SPAG9: variants seen among roughly 807,000 people sequenced by gnomAD.
SPAG9 encodes C-Jun-amino-terminal kinase-interacting protein 4.
A neutral mutation model predicts 166.5 loss-of-function variants in SPAG9; 35 were observed. The ratio of observed to expected loss-of-function variants is 0.21; its 90% CI spans 0.16 to 0.28. The LOEUF is 0.28. SPAG9 is among the 10% of genes least tolerant of loss of function. SPAG9 has a pLI of 1.00. For missense variants in SPAG9, 1,235 were observed against 1,603.3 expected (o/e 0.77, Z 3.92); for synonymous variants, 534 against 565.5 (o/e 0.94, Z 0.79).
intron 1 of SPAG9, among the ~76,000 whole-genome samples, chr17:51,081,378 G>A (rs1031999807): frequency 3.9e-5 from 6 of 152,050 alleles, no homozygotes; most frequent in Non-Finnish European, 8.8e-5. Context: ...TTGAACCCAG[G>A]AGACGGAGGT....
chr17:51,014,177 T>C (rs1423705080), intron 9 of SPAG9, 55 bp downstream of exon 9: 23 of 1,513,666 alleles, frequency 1.5e-5, no homozygotes, highest in Non-Finnish European at 2.0e-5. Flanking sequence ...AATTAAATCA[T>C]TTAAAAAATC....
chr17:51,074,962 T>G (rs1299488430), intron 2 of SPAG9, among the ~76,000 whole-genome samples: 1 of 151,858 alleles, frequency 6.6e-6, no homozygotes, highest in Non-Finnish European at 1.5e-5. Context: ...TTTGGGAGGC[T>G]GAGGCAGGTG....
At chr17:51,048,085 A>G (rs1225906626) in intron 3 of SPAG9, among the ~76,000 whole-genome samples, 3 of 152,106 alleles carry the variant, frequency 2.0e-5, no homozygotes, top group African/African-American at 4.8e-5. Context: ...ATCATCTATT[A>G]TAACAGCAGC....
At chr17:50,978,006 C>T (rs183536572) in intron 26 of SPAG9, among the ~76,000 whole-genome samples, 14 of 152,238 alleles carry the variant, frequency 9.2e-5, no homozygotes, top group Non-Finnish European at 2.1e-4. Flanking sequence ...TATACTTTTC[C>T]CCTCATTTAT....
intron 22 of SPAG9, among the ~76,000 whole-genome samples, 185 bp from the exon 23 acceptor site, chr17:50,985,963 A>C (rs1975018844): frequency 6.6e-6 from 1 of 152,240 alleles, no homozygotes; most frequent in African/African-American, 2.4e-5. Context: ...CCTAAGGTAA[A>C]GAAATAGGCT....
intron 9 of SPAG9, among the ~76,000 whole-genome samples, chr17:51,013,154 C>T (rs950417776): frequency 6.6e-6 from 1 of 152,188 alleles, no homozygotes; most frequent in Non-Finnish European, 1.5e-5. Context: ...ACTCCAAAGT[C>T]ATAACAATTA....
intron 2 of SPAG9, among the ~76,000 whole-genome samples, chr17:51,061,927 C>G (rs1236396070): frequency 6.6e-6 from 1 of 152,130 alleles, no homozygotes; most frequent in African/African-American, 2.4e-5. Flanking sequence ...ATTTGATAAA[C>G]TATCAATCCA....
rs2044964718 is a variant in SPAG9 at position 51,001,828 on chromosome 17, G to A, written c.1494C>T (p.Ala498=). ...CTACTCTAGTAAACCGTTTCCTCTG[G>A]GCTGTGGGAATATCACTCTATAATG... ...KDDDDSDIPT[A]QRKRFTRVEM... is the part of the protein sequence containing the mutation. The change falls in exon 13 of 30, where the codon GCC becomes GCT. Residue 498 remains alanine (A), a synonymous_variant. Coordinates refer to ENST00000262013, the MANE Select transcript of SPAG9 (RefSeq NM_001130528.3). The A allele has an allele frequency of 3.1e-6, 5 of 1,612,838 alleles. No individual in the cohort carries two copies. The highest frequency in any genetic ancestry group is 4.2e-6 in the Non-Finnish European group (5 of 1,179,488).
chr17:51,095,981 A>ATATAGTGATATATG lies in SPAG9; in HGVS notation c.304-16278_304-16277insCATATATCACTATA, dbSNP rs1568083907. On this transcript the variant is annotated intron_variant, in intron 1 of 29. Transcript: ENST00000262013. ...GTGATATATATATATAGTGATATAT[A>ATATAGTGATATATG]TATATATAGTGATATATATATAGTG... is the stretch of plus-strand genomic sequence containing the variant. Among the ~76,000 whole-genome samples, 28 of 126,162 alleles carry ATATAGTGATATATG rather than the reference A, an allele frequency of 2.2e-4. 1 individual carries two copies. The highest frequency in any genetic ancestry group is 7.8e-4 in the African/African-American group (26 of 33,504). The allele number at this position is 126,162 out of a possible 152,430, so 82.8% of individuals were successfully genotyped here. A position where few individuals can be genotyped will look rare whatever the true frequency, so the allele number is the denominator to read the frequency against.
At chr17:51,075,068 T>G (rs1400577490) in intron 2 of SPAG9, among the ~76,000 whole-genome samples, 1 of 150,818 alleles carries the variant, frequency 6.6e-6, no homozygotes, top group Non-Finnish European at 1.5e-5. Context: ...TAATGACGGG[T>G]GCCTGTAATC....
At chr17:51,047,618 A>C (rs2047063306) in intron 3 of SPAG9, 149 bp from the exon 4 acceptor site, 1 of 396,466 alleles carries the variant, frequency 2.5e-6, no homozygotes. Context: ...GAATGAAAAA[A>C]ATTTTAAGGG....
chr17:51,041,429 T>A (rs2046835091), intron 5 of SPAG9, 72 bp downstream of exon 5: 1 of 1,417,694 alleles, frequency 7.1e-7, no homozygotes, highest in Admixed American at 2.1e-5. Flanking sequence ...ACTGTGGTCG[T>A]CTAGCACTTC....
At chr17:50,982,816 C>A in intron 24 of SPAG9, 144 bp from the exon 25 acceptor site, 1 of 779,220 alleles carries the variant, frequency 1.3e-6, no homozygotes, top group South Asian at 2.3e-5. Context: ...TTATTTGCAG[C>A]CTGGGTTCTT....
Position 50,974,856 on chromosome 17 carries a change from T to G in SPAG9, c.3615A>C (p.Thr1205=), listed in dbSNP as rs563885639. ...GTGCCATTGAACAATAGGGTATAAA[T>G]GTCCCTGGAGTCACTTTATCACTGT... is the stretch of plus-strand genomic sequence containing the variant. The part of the protein sequence containing the change: ...DENSDKVTPG[T]FIPYCSMAHA... Residue 1205 remains threonine (T), a synonymous_variant, in exon 28 of 30, where the codon ACA becomes ACC. Transcript: ENST00000262013. The G allele has an allele frequency of 1.2e-6, 2 of 1,612,426 alleles. No individual in the cohort carries two copies. Among genetic ancestry groups the G allele is most frequent in the Middle Eastern group, 3.3e-4 (2 of 6,062 alleles).
At chr17:51,081,278 C>T (rs2048155245) in intron 1 of SPAG9, among the ~76,000 whole-genome samples, 1 of 152,108 alleles carries the variant, frequency 6.6e-6, no homozygotes, top group Non-Finnish European at 1.5e-5. Context: ...TGGTGAAATT[C>T]GGTCTCTACT....
chr17:51,042,304 T>C (rs571256756), intron 4 of SPAG9, among the ~76,000 whole-genome samples: 5 of 152,178 alleles, frequency 3.3e-5, no homozygotes, highest in Admixed American at 6.6e-5. Flanking sequence ...AATAATTCTA[T>C]AAAAGATTAC....
At chr17:51,066,761 A>T (rs1353247357) in intron 2 of SPAG9, among the ~76,000 whole-genome samples, 2 of 151,682 alleles carry the variant, frequency 1.3e-5, no homozygotes, top group Non-Finnish European at 2.9e-5. Context: ...GCATGGTGGC[A>T]CACTCCTGTA....
intron 3 of SPAG9, among the ~76,000 whole-genome samples, chr17:51,048,327 A>G (rs1331122698): frequency 1.3e-5 from 2 of 152,110 alleles, no homozygotes; most frequent in African/African-American, 4.8e-5. Context: ...TACTAACATG[A>G]TATGAATAAG....
chr17:50,998,451 T>C lies in SPAG9; in HGVS notation c.1831A>G (p.Ser611Gly), dbSNP rs778188059. 2 of 1,613,264 alleles carry C rather than the reference T, an allele frequency of 1.2e-6. No individual in the cohort carries two copies. Among genetic ancestry groups the C allele is most frequent in the Admixed American group, 3.3e-5 (2 of 59,816 alleles). ...GDKSKAFDFL[S>G]EETEASLASR... ...AATTTGGAAAAGACTTACTCTTCAC[T>C]AAGGAAATCAAAGGCTTTGGACTTA... is the stretch of plus-strand genomic sequence containing the variant. The change falls in exon 15 of 30, where the codon AGT becomes GGT. Residue 611 changes from serine to glycine, a missense_variant. Physicochemically the swap from Ser to Gly is moderately conservative, Grantham distance 56. Coordinates refer to ENST00000262013, the MANE Select transcript of SPAG9 (RefSeq NM_001130528.3).
Sources: allele counts gnomAD v4.1 joint callset (sites outside exome capture counted in the v4.1 genomes callset), GRCh38; gene constraint gnomAD v4.1.1; transcripts MANE v1.5; gene names NCBI Gene and HGNC (gene_info 2026-07-23, HGNC 2026-07-21).